The following RHOBTB2 variants were observed in gnomAD, a reference collection of about 807,000 sequenced individuals.
RHOBTB2 encodes the protein Rho related BTB domain containing 2, also known as rho-related BTB domain-containing protein 2.
RHOBTB2 carries 39 observed loss-of-function variants against 66.5 expected under a neutral mutation model. The observed-to-expected ratio is 0.59, with a 90% CI of 0.45 to 0.77. RHOBTB2 has a LOEUF of 0.77. Ranked by LOEUF, RHOBTB2 falls within the 30% of genes least tolerant of loss-of-function variation. The pLI is 0.00. For synonymous variants in RHOBTB2, 390 were observed against 395.0 expected (o/e 0.99, Z 0.15); for missense variants, 755 against 999.1 (o/e 0.76, Z 3.29).
At chr8:23,015,420 G>C (rs762471881) in intron 8 of RHOBTB2, among the ~76,000 whole-genome samples, 1 of 152,174 alleles carries the variant, frequency 6.6e-6, no homozygotes, top group Admixed American at 6.5e-5. Flanking sequence ...CAGAACAGAG[G>C]TGAGATGATG....
At chr8:23,001,635 T>C (rs1474908325) in intron 1 of RHOBTB2, among the ~76,000 whole-genome samples, 1 of 152,206 alleles carries the variant, frequency 6.6e-6, no homozygotes, top group East Asian at 1.9e-4. Flanking sequence ...CCAGCCTCTC[T>C]TGGCACAAAT....
Position 23,010,683 on chromosome 8 carries a change from T to G in RHOBTB2, c.1766T>G (p.Leu589Arg). ...CTCTGCCTGCCACACCTGGTTGCCC[T>G]CACAGGTAACTAAGCAGTGCACTCG... is the stretch of plus-strand genomic sequence containing the variant. Reference protein sequence around the residue: ...NRLCLPHLVALTEQYTVTGLM... With the variant: ...NRLCLPHLVARTEQYTVTGLM... The change falls in exon 7 of 10, where the codon CTC (leucine) becomes CGC (arginine). Residue 589 changes from leucine to arginine, a missense_variant. Physicochemically the swap from Leu to Arg is moderately radical, Grantham distance 102. Around this residue, in one of 7 missense-constraint regions of RHOBTB2, gnomAD observed 353 missense variants for 458.2 expected, o/e 0.77. Transcript: ENST00000251822. The G allele has an allele frequency of 1.9e-6, 3 of 1,614,058 alleles. No homozygotes were observed. In the East Asian group the frequency reaches 6.7e-5, roughly 36 times the overall value.
chr8:22,980,154 T>C, the RHOBTB2 span, among the ~76,000 whole-genome samples: 1 of 152,150 alleles, frequency 6.6e-6, no homozygotes, highest in African/African-American at 2.4e-5. Context: ...TTGAGGGCTG[T>C]AAATTGAACT....
chr8:23,006,249 A>G lies in RHOBTB2; in HGVS notation c.482+104A>G. On this transcript the variant is annotated intron_variant, in intron 4 of 9. Coordinates refer to ENST00000251822, the MANE Select transcript of RHOBTB2 (RefSeq NM_015178.3). This position sits in a 1 kb window ranked among gnomAD's most constrained non-coding sequence, Gnocchi z 6.1. ...CACTGAGCCTCATATCTCTCCCTCC[A>G]TTTGGAGCAAGCTTGCATTGGGAGT... 1 of 992,662 alleles carries G rather than the reference A, an allele frequency of 1.0e-6. No individual in the cohort carries two copies. Among genetic ancestry groups the G allele is most frequent in the Admixed American group, 2.2e-5 (1 of 44,536 alleles). The allele number at this position is 992,662 out of a possible 1,614,324, so 61.5% of individuals were successfully genotyped here.
At chr8:23,008,628 A>T (rs1391777416) in intron 6 of RHOBTB2, among the ~76,000 whole-genome samples, 4 of 152,274 alleles carry the variant, frequency 2.6e-5, no homozygotes, top group Admixed American at 2.6e-4. Context: ...ACAACTTGTT[A>T]CAGATCCCAA....
chr8:23,015,442 G>A (rs1439129960), intron 8 of RHOBTB2, among the ~76,000 whole-genome samples, 196 bp from the exon 9 acceptor site: 2 of 152,070 alleles, frequency 1.3e-5, no homozygotes, highest in South Asian at 2.1e-4. Context: ...TGGTGCTGGC[G>A]GTGGTGCCAA....
intron 1 of RHOBTB2, among the ~76,000 whole-genome samples, chr8:22,991,301 C>T (rs1810419354): frequency 6.6e-6 from 1 of 152,190 alleles, no homozygotes; most frequent in South Asian, 2.1e-4. Flanking sequence ...TCCCTGGGGT[C>T]CTGGCCGTCC....
At position 23,018,431 on chromosome 8, in the gene RHOBTB2, A is replaced by T. The variant is rs527436915; in HGVS notation, c.*962A>T. The T allele has an allele frequency of 6.5e-6, 1 of 152,758 alleles. No homozygotes were observed. Among genetic ancestry groups the T allele is most frequent in the Admixed American group, 6.5e-5 (1 of 15,304 alleles). 9.5% of individuals were successfully genotyped at this position (152,758 alleles called of 1,614,324 possible). On this transcript the variant is annotated 3_prime_UTR_variant, in exon 10 of 10. Transcript: ENST00000251822. ...TCCTCTATCCCTCCAAAGAATGAAA[A>T]TCAGAAAAAGCCCCTGCCTAGCTCA... is the stretch of plus-strand genomic sequence containing the variant.
chr8:23,016,013 G>A (rs1811281882), intron 9 of RHOBTB2, among the ~76,000 whole-genome samples: 2 of 152,202 alleles, frequency 1.3e-5, no homozygotes, highest in African/African-American at 4.8e-5. Flanking sequence ...TTTCTGGACA[G>A]AATACCGTAA....
chr8:22,956,047 C>T, the RHOBTB2 span, among the ~76,000 whole-genome samples: 1 of 152,194 alleles, frequency 6.6e-6, no homozygotes, highest in Non-Finnish European at 1.5e-5. Flanking sequence ...CTCAACCCAC[C>T]CCTGTGAGTT....
At chr8:22,984,125 CA>C (rs550339226), upstream of RHOBTB2, among the ~76,000 whole-genome samples, 146 of 147,604 alleles carry the variant, frequency 9.9e-4, 1 homozygote, top group African/African-American at 3.5e-3. Context: ...AGGCTGAGTG[CA>C]AAAAAAAACA....
chr8:22,989,193 G>C (rs906310819), intron 1 of RHOBTB2, among the ~76,000 whole-genome samples: 82 of 152,172 alleles, frequency 5.4e-4, no homozygotes, highest in African/African-American at 1.8e-3. Context: ...TGTCGCCCAG[G>C]CTGGAGTGCA....
intron 1 of RHOBTB2, among the ~76,000 whole-genome samples, chr8:22,988,925 T>C (rs1810355842): frequency 1.3e-5 from 2 of 152,240 alleles, no homozygotes; most frequent in South Asian, 2.1e-4. Flanking sequence ...ATTTGGGCCC[T>C]CTTACCTCAC....
intron 2 of RHOBTB2, among the ~76,000 whole-genome samples, chr8:22,993,787 C>T (rs1349792762): frequency 6.6e-6 from 1 of 152,226 alleles, no homozygotes; most frequent in Non-Finnish European, 1.5e-5. Context: ...CAATAACCTC[C>T]AGAGCTGTCT....
At chr8:22,988,382 G>A (rs1223722623) in intron 1 of RHOBTB2, among the ~76,000 whole-genome samples, 2 of 151,682 alleles carry the variant, frequency 1.3e-5, no homozygotes, top group African/African-American at 2.4e-5. Context: ...CACTGGTTTC[G>A]AACTCCTGAC....
chr8:22,964,967 C>T, the RHOBTB2 span, among the ~76,000 whole-genome samples: 6 of 152,110 alleles, frequency 3.9e-5, no homozygotes, highest in East Asian at 1.2e-3. Context: ...CAGGCGCCCA[C>T]CACCACGCCA....
rs10094325 is a variant in RHOBTB2 at position 23,011,666 on chromosome 8, G to A, written c.1771+978G>A. On this transcript the variant is annotated intron_variant, in intron 7 of 9. Coordinates refer to ENST00000251822, the MANE Select transcript of RHOBTB2 (RefSeq NM_015178.3). ...GGTGCTCGTGGGGTGAAGGGAGCCTGGGGCCAGAGACCCAGGCAGGCAGAC... is the reference window on the plus strand; with the variant it reads ...GGTGCTCGTGGGGTGAAGGGAGCCTAGGGCCAGAGACCCAGGCAGGCAGAC... Among the ~76,000 whole-genome samples the A allele has an allele frequency of 1.9e-3, 289 of 152,314 alleles. 1 individual carries two copies. Among genetic ancestry groups the A allele is most frequent in the African/African-American group, 6.3e-3 (263 of 41,554 alleles).
intron 1 of RHOBTB2, among the ~76,000 whole-genome samples, chr8:23,003,447 C>T (rs951973250): frequency 6.6e-6 from 1 of 152,246 alleles, no homozygotes; most frequent in African/African-American, 2.4e-5. Context: ...GCAATCCCAT[C>T]GCCCATGTAG....
At position 22,999,769 on chromosome 8, in the gene RHOBTB2, C is replaced by A. The variant is rs772928038; in HGVS notation, c.-347C>A. 7 of 986,274 alleles carry A rather than the reference C, an allele frequency of 7.1e-6. No individual in the cohort carries two copies. The highest frequency in any genetic ancestry group is 6.2e-5 in the Admixed American group (1 of 16,030). The allele number at this position is 986,274 out of a possible 1,614,324, so 61.1% of individuals were successfully genotyped here. A position where few individuals can be genotyped will look rare whatever the true frequency, so the allele number is the denominator to read the frequency against. On this transcript the variant is annotated 5_prime_UTR_variant, in exon 1 of 10. Transcript: ENST00000251822. ...GGCGGCCTCGCCCCTCTCCCGGCGC[C>A]CCTGCGCGCCGCCCGCTGCCTCCGC...
Sources: gnomAD v4.1 joint callset for allele counts (sites outside exome capture counted in the v4.1 genomes callset) on GRCh38, gnomAD v4.1.1 for gene constraint, gnomAD v4.1.1 regional missense constraint, Gnocchi (gnomAD v3.1) non-coding constraint, MANE v1.5 for transcripts, NCBI Gene and HGNC (gene_info 2026-07-23, HGNC 2026-07-21) for gene names.